Variants in ROBO1 observed in about 807,000 individuals in gnomAD.
The protein encoded by ROBO1 is roundabout homolog 1.
In ROBO1, 149 loss-of-function variants were observed where a neutral mutation model predicts 195.9. The ratio of observed to expected loss-of-function variants is 0.76; its 90% CI spans 0.67 to 0.87. ROBO1 has a LOEUF of 0.87. Among genes scored for constraint, ROBO1 ranks in the 40% least tolerant of loss-of-function variants. The pLI, the probability that ROBO1 is intolerant of heterozygous loss-of-function variation, is 0.00. For synonymous variants in ROBO1, 816 were observed against 733.2 expected, an observed-to-expected ratio of 1.11 and a Z score of -1.82; for missense variants, 1,933 against 2,068.3, an observed-to-expected ratio of 0.93 and a Z score of 1.27.
intron 2 of ROBO1, among the ~76,000 whole-genome samples, chr3:79,228,329 T>C (rs1346627927): frequency 2.0e-5 from 3 of 152,100 alleles, no homozygotes; most frequent in Non-Finnish European, 4.4e-5. Context: ...TCCACAATTG[T>C]GGGAAAAGAT....
chr3:78,979,667 A>G (rs1283398732), intron 3 of ROBO1, among the ~76,000 whole-genome samples: 4 of 152,118 alleles, frequency 2.6e-5, no homozygotes, highest in African/African-American at 9.7e-5. Context: ...TTAAAACAAC[A>G]CTATGTTCAT....
chr3:79,053,926 T>A (rs2108375531), intron 3 of ROBO1, among the ~76,000 whole-genome samples: 1 of 152,284 alleles, frequency 6.6e-6, no homozygotes, highest in Middle Eastern at 3.4e-3. Context: ...CTTACCTTTT[T>A]AAAAGAATTT....
intron 4 of ROBO1, among the ~76,000 whole-genome samples, chr3:78,885,657 T>C (rs546630889): frequency 6.6e-6 from 1 of 150,934 alleles, no homozygotes; most frequent in East Asian, 1.9e-4. Flanking sequence ...TCCTCACAAC[T>C]ATATGAGGTA....
At chr3:78,993,834 T>A (rs2108075738) in intron 3 of ROBO1, among the ~76,000 whole-genome samples, 1 of 152,292 alleles carries the variant, frequency 6.6e-6, no homozygotes, top group Admixed American at 6.5e-5. Context: ...TCTTTAAAGT[T>A]TGCATCAAAA....
intron 2 of ROBO1, among the ~76,000 whole-genome samples, chr3:79,220,604 T>C (rs1339912001): frequency 6.6e-6 from 1 of 151,970 alleles, no homozygotes; most frequent in Non-Finnish European, 1.5e-5. Flanking sequence ...GATGTGTGTG[T>C]GTGTGGTGGG....
At chr3:79,642,185 TAATCAGTGAGCTTG>T (rs1176950262) in intron 1 of ROBO1, among the ~76,000 whole-genome samples, 1 of 152,090 alleles carries the variant, frequency 6.6e-6, no homozygotes, top group Non-Finnish European at 1.5e-5. Flanking sequence ...GTAGTGAAAA[TAATCAGTGAGCTTG>T]AAGACAGATT....
intron 10 of ROBO1, among the ~76,000 whole-genome samples, chr3:78,676,115 C>A (rs1362775931): frequency 3.3e-5 from 5 of 152,142 alleles, no homozygotes; most frequent in African/African-American, 9.7e-5. Context: ...AGCTGAGGGT[C>A]CTGTCTGTTA....
rs138323478 is a variant in ROBO1 at position 79,363,720 on chromosome 3, G to A, written c.88+226104C>T. Reference sequence around the variant, plus strand: ...TACATGGTTTGACACATACACGCATGCAGTCTTGTGCATACATAAGCACAG... The same window carrying A: ...TACATGGTTTGACACATACACGCATACAGTCTTGTGCATACATAAGCACAG... On this transcript the variant is annotated intron_variant, in intron 2 of 30. Coordinates refer to ENST00000464233, the MANE Select transcript of ROBO1 (RefSeq NM_002941.4). 2.7e-3 allele frequency among the ~76,000 whole-genome samples: 416 copies of A among 152,282 alleles called. 1 individual carries two copies. The highest frequency in any genetic ancestry group is 9.6e-3 in the African/African-American group (398 of 41,558).
chr3:78,632,846 T>C (rs1705262733), intron 24 of ROBO1, among the ~76,000 whole-genome samples: 1 of 152,178 alleles, frequency 6.6e-6, no homozygotes, highest in African/African-American at 2.4e-5. Context: ...TTCATATGAT[T>C]TTCTTAAAAG....
At chr3:78,741,079 A>G (rs1350874171) in intron 5 of ROBO1, among the ~76,000 whole-genome samples, 1 of 152,156 alleles carries the variant, frequency 6.6e-6, no homozygotes, top group Non-Finnish European at 1.5e-5. Flanking sequence ...CTCTTGTCTC[A>G]TCAGTTATCA....
intron 2 of ROBO1, among the ~76,000 whole-genome samples, chr3:79,256,195 A>G (rs905172785): frequency 1.3e-5 from 2 of 152,162 alleles, no homozygotes; most frequent in Non-Finnish European, 2.9e-5. Flanking sequence ...GGCTTTCTGG[A>G]TTTTCTTTTG....
intron 2 of ROBO1, among the ~76,000 whole-genome samples, chr3:79,564,210 G>T (rs981464735): frequency 1.3e-5 from 2 of 151,964 alleles, no homozygotes; most frequent in Non-Finnish European, 2.9e-5. Flanking sequence ...ATTTGAAAAA[G>T]CATACTTCTA....
intron 4 of ROBO1, among the ~76,000 whole-genome samples, chr3:78,773,310 C>A (rs1252074514): frequency 6.6e-6 from 1 of 151,818 alleles, no homozygotes; most frequent in Non-Finnish European, 1.5e-5. Flanking sequence ...AAATCAGTAC[C>A]CATTAAATCA....
intron 1 of ROBO1, among the ~76,000 whole-genome samples, chr3:79,764,171 G>T (rs1420020086): frequency 1.3e-5 from 2 of 152,194 alleles, no homozygotes; most frequent in African/African-American, 4.8e-5. Context: ...TGCAGGTACG[G>T]TGACTAACAC....
chr3:78,951,548 C>T (rs17379314), intron 3 of ROBO1, among the ~76,000 whole-genome samples: 4,385 of 152,080 alleles, frequency 0.029, 77 homozygotes, highest in Middle Eastern at 0.051. Flanking sequence ...AGACTGATGA[C>T]GTGAGGCTTT....
At chr3:78,714,546 G>C in intron 7 of ROBO1, 22 bp from the exon 8 acceptor site, 1 of 1,599,718 alleles carries the variant, frequency 6.3e-7, no homozygotes, top group Non-Finnish European at 8.5e-7. Context: ...ACAAAAGAAA[G>C]CACAGTTAAG....
chr3:79,444,686 A>AT (rs11421443), intron 2 of ROBO1, among the ~76,000 whole-genome samples: 2,069 of 152,080 alleles, frequency 0.014, 46 homozygotes, highest in African/African-American at 0.047. Flanking sequence ...TCCAAACTTT[A>AT]TTTTTTTTAA....
At chr3:79,653,402 C>G (rs989908918) in intron 1 of ROBO1, among the ~76,000 whole-genome samples, 1 of 151,860 alleles carries the variant, frequency 6.6e-6, no homozygotes, top group Non-Finnish European at 1.5e-5. Context: ...AAGCTAAAAA[C>G]CTCTCTCATA....
chr3:78,882,351 G>T (rs2036231230), intron 4 of ROBO1, among the ~76,000 whole-genome samples: 1 of 152,130 alleles, frequency 6.6e-6, no homozygotes, highest in South Asian at 2.1e-4. Flanking sequence ...AACGATAGAA[G>T]TTGGATTATG....
Sources: allele counts gnomAD v4.1 joint callset (sites outside exome capture counted in the v4.1 genomes callset), GRCh38; gene constraint gnomAD v4.1.1; transcripts MANE v1.5; gene names NCBI Gene and HGNC (gene_info 2026-07-23, HGNC 2026-07-21).